Variants in HHLA2 observed in about 807,000 individuals in gnomAD.
HHLA2 encodes HERV-H LTR-associating protein 2.
In HHLA2, 48 loss-of-function variants were observed where a neutral mutation model predicts 45.9. That is an observed-to-expected ratio of 1.05 (90% CI 0.83 to 1.33). HHLA2 has a LOEUF of 1.33. Ranked by LOEUF, HHLA2 falls within the 40% of genes most tolerant of loss-of-function variation. HHLA2 has a pLI of 0.00. For missense variants in HHLA2, 462 were observed against 494.3 expected, an observed-to-expected ratio of 0.93 and a Z score of 0.62; for synonymous variants, 161 against 173.9, an observed-to-expected ratio of 0.93 and a Z score of 0.59.
intron 5 of HHLA2, 39 bp downstream of exon 4, chr3:108,353,819 A>G (rs763540076): frequency 6.9e-6 from 10 of 1,456,860 alleles, no homozygotes; most frequent in Non-Finnish European, 8.5e-6. Flanking sequence ...CAGCAATGAC[A>G]TCATTCCATG....
At chr3:108,328,179 A>G (rs1336633936) in intron 2 of HHLA2, 7 of 583,834 alleles carry the variant, frequency 1.2e-5, no homozygotes, top group Non-Finnish European at 1.9e-5. Context: ...TTGGTATAAT[A>G]TTTTCTTCCA....
chr3:108,367,238 G>A (rs1175306962), intron 8 of HHLA2, among the ~76,000 whole-genome samples: 1 of 151,690 alleles, frequency 6.6e-6, no homozygotes, highest in Non-Finnish European at 1.5e-5. Flanking sequence ...ATAAATAAAT[G>A]AAGATGAGGA....
At chr3:108,318,109 A>C (rs918567026) in intron 2 of HHLA2, among the ~76,000 whole-genome samples, 3 of 151,190 alleles carry the variant, frequency 2.0e-5, no homozygotes, top group Admixed American at 2.0e-4. Context: ...TGAACCAAGG[A>C]GGCTGAGGTT....
intron 3 of HHLA2, among the ~76,000 whole-genome samples, chr3:108,345,775 T>G (rs773422648): frequency 1.1e-4 from 16 of 152,208 alleles, no homozygotes; most frequent in Admixed American, 5.2e-4. Flanking sequence ...CAGTAAGGCA[T>G]GGCATTTGGC....
intron 6 of HHLA2, among the ~76,000 whole-genome samples, chr3:108,357,371 A>T (rs2081912016): frequency 6.6e-6 from 1 of 152,222 alleles, no homozygotes; most frequent in Admixed American, 6.5e-5. Flanking sequence ...AAATATTCTT[A>T]TATGAAGAAA....
chr3:108,349,024 A>T lies in HHLA2; in HGVS notation c.-26-2764A>T, dbSNP rs1447613629. Among the ~76,000 whole-genome samples, 3 of 152,088 alleles carry T rather than the reference A, an allele frequency of 2.0e-5. No homozygotes were observed. The East Asian group carries it at 5.8e-4, about 29-fold the overall frequency. On this transcript the variant is annotated intron_variant, in intron 3 of 10. Transcript: ENST00000619531. ...GGTGTATATGTGCCACATTTTCTTT[A>T]TACAGTCTATCATTGATGGACATTT...
chr3:108,369,269 C>G (rs999709434), intron 8 of HHLA2, among the ~76,000 whole-genome samples: 1 of 152,116 alleles, frequency 6.6e-6, no homozygotes, highest in African/African-American at 2.4e-5. Flanking sequence ...CATCAGAAAG[C>G]AGGAAAGACC....
intron 2 of HHLA2, among the ~76,000 whole-genome samples, chr3:108,318,414 A>T (rs2081140760): frequency 6.6e-6 from 1 of 152,210 alleles, no homozygotes; most frequent in South Asian, 2.1e-4. Flanking sequence ...AGGATGCATT[A>T]GCTGCAAAGT....
At chr3:108,312,338 G>A (rs2081034471) in intron 2 of HHLA2, among the ~76,000 whole-genome samples, 1 of 152,216 alleles carries the variant, frequency 6.6e-6, no homozygotes, top group South Asian at 2.1e-4. Flanking sequence ...TCAAAAACCT[G>A]TGGTGTTTCT....
At chr3:108,368,355 A>C (rs1366204187) in intron 8 of HHLA2, among the ~76,000 whole-genome samples, 1 of 152,046 alleles carries the variant, frequency 6.6e-6, no homozygotes, top group East Asian at 1.9e-4. Context: ...TTCACACTTA[A>C]CAATATTAAC....
chr3:108,310,247 A>G (rs2080997141), intron 1 of HHLA2, among the ~76,000 whole-genome samples: 1 of 152,200 alleles, frequency 6.6e-6, no homozygotes, highest in Admixed American at 6.5e-5. Context: ...TATTAGTCCC[A>G]GTTTTGATAT....
intron 8 of HHLA2, among the ~76,000 whole-genome samples, chr3:108,370,440 G>A (rs546682023): frequency 1.8e-4 from 27 of 152,286 alleles, no homozygotes; most frequent in African/African-American, 6.0e-4. Flanking sequence ...CCAAAGGAAC[G>A]CAGCTCCTCA....
chr3:108,371,081 A>G (rs1260005747), intron 8 of HHLA2, among the ~76,000 whole-genome samples: 3 of 152,188 alleles, frequency 2.0e-5, no homozygotes, highest in Non-Finnish European at 4.4e-5. Flanking sequence ...CAGAGAGAAA[A>G]GTCGGGTTAC....
chr3:108,349,091 C>G (rs1449212622), intron 3 of HHLA2, among the ~76,000 whole-genome samples: 3 of 151,586 alleles, frequency 2.0e-5, no homozygotes, highest in Non-Finnish European at 4.4e-5. Flanking sequence ...AGAGAAGCAA[C>G]AGCAAACAAA....
At chr3:108,353,831 T>C (rs1353516093) in intron 5 of HHLA2, 51 bp downstream of exon 4, 3 of 1,361,426 alleles carry the variant, frequency 2.2e-6, no homozygotes, top group East Asian at 2.3e-5. Flanking sequence ...CATTCCATGT[T>C]ATTAGTAAGC....
intron 3 of HHLA2, among the ~76,000 whole-genome samples, chr3:108,341,673 A>G (rs2081574142): frequency 6.6e-6 from 1 of 152,188 alleles, no homozygotes; most frequent in African/African-American, 2.4e-5. Context: ...TTAATTAATT[A>G]TCTTCATTAT....
At chr3:108,313,387 A>G (rs2081052303) in intron 2 of HHLA2, among the ~76,000 whole-genome samples, 1 of 152,110 alleles carries the variant, frequency 6.6e-6, no homozygotes, top group Admixed American at 6.6e-5. Flanking sequence ...ATCCCGGGGG[A>G]TTTTCTGGAG....
chr3:108,353,721 C>T, exon 5 of HHLA2: 9 of 1,613,510 alleles, frequency 5.6e-6, no homozygotes, highest in Non-Finnish European at 7.6e-6. Flanking sequence ...GGAATTTACA[C>T]CTGCTATGTA....
At chr3:108,357,559 G>T (rs2081916093) in intron 6 of HHLA2, among the ~76,000 whole-genome samples, 1 of 152,046 alleles carries the variant, frequency 6.6e-6, no homozygotes, top group Non-Finnish European at 1.5e-5. Flanking sequence ...ATTCCTGAGT[G>T]CTTACTGTCA....
Sources: gnomAD v4.1 joint callset for allele counts (sites outside exome capture counted in the v4.1 genomes callset) on GRCh38, gnomAD v4.1.1 for gene constraint, MANE v1.5 for transcripts, NCBI Gene and HGNC (gene_info 2026-07-23, HGNC 2026-07-21) for gene names.